Variants in NRXN1 observed in about 807,000 individuals in gnomAD.
NRXN1 encodes the protein neurexin 1, also known as neurexin-1.
In NRXN1, 39 loss-of-function variants were observed where a neutral mutation model predicts 150.9. That is an observed-to-expected ratio of 0.26 (90% CI 0.20 to 0.34). The LOEUF (loss-of-function observed/expected upper bound fraction) is 0.34, where lower values mean the gene tolerates loss of function less well. Among genes scored for constraint, NRXN1 ranks in the 10% least tolerant of loss-of-function variants. The pLI, the probability that NRXN1 is intolerant of heterozygous loss-of-function variation, is 1.00. For synonymous variants in NRXN1, 924 were observed against 757.0 expected, an observed-to-expected ratio of 1.22 and a Z score of -3.62; for missense variants, 1,815 against 1,949.9, an observed-to-expected ratio of 0.93 and a Z score of 1.30.
chr2:50,687,068 T>A (rs1691342387), intron 5 of NRXN1, among the ~76,000 whole-genome samples: 1 of 152,198 alleles, frequency 6.6e-6, no homozygotes, highest in Non-Finnish European at 1.5e-5. Flanking sequence ...ACATCTTTTA[T>A]TAGAATTGCT....
intron 5 of NRXN1, among the ~76,000 whole-genome samples, chr2:50,669,380 A>T (rs1354994063): frequency 6.6e-6 from 1 of 152,000 alleles, no homozygotes; most frequent in Non-Finnish European, 1.5e-5. Context: ...TGAAATACTC[A>T]TTGCAATAGA....
intron 5 of NRXN1, among the ~76,000 whole-genome samples, chr2:50,640,704 T>C (rs368681731): frequency 5.0e-4 from 76 of 152,324 alleles, no homozygotes; most frequent in African/African-American, 1.8e-3. Flanking sequence ...TATAGGATTG[T>C]ATCTTGCGAC....
chr2:50,963,862 C>T (rs1693601350), intron 2 of NRXN1: 13 of 317,638 alleles, frequency 4.1e-5, no homozygotes, highest in South Asian at 3.5e-4. Flanking sequence ...ATTTAGCATA[C>T]ACAATGTTCT....
intron 5 of NRXN1, among the ~76,000 whole-genome samples, chr2:50,855,631 T>C (rs566513895): frequency 6.6e-6 from 1 of 152,108 alleles, no homozygotes; most frequent in Non-Finnish European, 1.5e-5. Flanking sequence ...AATAGCAAGA[T>C]TTGGCCGAAA....
At chr2:49,927,563 G>A (rs1426336157) in intron 22 of NRXN1, among the ~76,000 whole-genome samples, 2 of 152,180 alleles carry the variant, frequency 1.3e-5, no homozygotes, top group East Asian at 3.8e-4. Flanking sequence ...TTTTTCCAAG[G>A]AGATTTCCCT....
At chr2:50,053,084 C>G (rs79767915) in intron 21 of NRXN1, among the ~76,000 whole-genome samples, 187 bp downstream of exon 21, 2 of 152,252 alleles carry the variant, frequency 1.3e-5, no homozygotes, top group East Asian at 3.9e-4. Context: ...AGTCCACAAA[C>G]CTCTAATGAA....
intron 21 of NRXN1, among the ~76,000 whole-genome samples, chr2:50,007,579 G>A (rs1242560048): frequency 1.3e-5 from 2 of 152,090 alleles, no homozygotes; most frequent in East Asian, 1.9e-4. Context: ...TTTTATGGCT[G>A]CATAGTATTC....
chr2:50,085,486 C>T (rs1698650804), intron 19 of NRXN1, among the ~76,000 whole-genome samples: 1 of 152,074 alleles, frequency 6.6e-6, no homozygotes, highest in South Asian at 2.1e-4. Context: ...GGCAAGTCTT[C>T]TTTTAACAAA....
intron 8 of NRXN1, among the ~76,000 whole-genome samples, chr2:50,564,665 C>G (rs1425630081): frequency 6.6e-6 from 1 of 152,008 alleles, no homozygotes; most frequent in African/African-American, 2.4e-5. Context: ...ATGGCCTTTT[C>G]TAGGTTTGCT....
At chr2:50,100,652 T>C (rs1334585355) in intron 18 of NRXN1, among the ~76,000 whole-genome samples, 1 of 152,046 alleles carries the variant, frequency 6.6e-6, no homozygotes, top group African/African-American at 2.4e-5. Flanking sequence ...TTCGTGATAC[T>C]TCCCCCTTCC....
chr2:50,804,689 CT>C (rs1384285750), intron 5 of NRXN1, among the ~76,000 whole-genome samples: 1 of 152,096 alleles, frequency 6.6e-6, no homozygotes, highest in African/African-American at 2.4e-5. Flanking sequence ...AAAATGTCCC[CT>C]TTTTTTCTTT....
At chr2:50,930,515 C>T (rs1404481969) in intron 2 of NRXN1, among the ~76,000 whole-genome samples, 3 of 152,048 alleles carry the variant, frequency 2.0e-5, no homozygotes, top group African/African-American at 2.4e-5. Context: ...TAATATAAAT[C>T]GAATGACTCA....
At chr2:50,085,222 T>A (rs1257911240) in intron 19 of NRXN1, among the ~76,000 whole-genome samples, 1 of 152,124 alleles carries the variant, frequency 6.6e-6, no homozygotes, top group Non-Finnish European at 1.5e-5. Flanking sequence ...AGAAAAAAAA[T>A]GCTTTGACCT....
At chr2:50,412,558 T>TC (rs1002373172) in intron 17 of NRXN1, among the ~76,000 whole-genome samples, 1 of 151,262 alleles carries the variant, frequency 6.6e-6, no homozygotes, top group South Asian at 2.1e-4. Flanking sequence ...TGCTTTTTTT[T>TC]CACTCTTTAT....
chr2:50,254,874 G>A (rs1318771845), intron 17 of NRXN1, among the ~76,000 whole-genome samples: 2 of 151,990 alleles, frequency 1.3e-5, no homozygotes, highest in South Asian at 2.1e-4. Context: ...TGGTGTTATC[G>A]TGGTTCACTG....
rs566486222 is a variant in NRXN1 at position 50,381,475 on chromosome 2, T to A, written c.3364+83967A>T. Among the ~76,000 whole-genome samples the A allele has an allele frequency of 6.9e-3, 1,039 of 149,582 alleles. 14 individuals are homozygous for A. The highest frequency in any genetic ancestry group is 0.025 in the African/African-American group (1,014 of 40,638). On this transcript the variant is annotated intron_variant, in intron 17 of 22. Coordinates refer to ENST00000401669, the MANE Select transcript of NRXN1 (RefSeq NM_001330078.2). ...TTAGTTTTGCGAATAAACTGACAAGTAGAAATTGGAATTTAGTGAGAAGTC... is the reference window on the plus strand; with the variant it reads ...TTAGTTTTGCGAATAAACTGACAAGAAGAAATTGGAATTTAGTGAGAAGTC...
chr2:50,966,547 T>A (rs952138037), intron 2 of NRXN1, among the ~76,000 whole-genome samples: 6 of 151,786 alleles, frequency 4.0e-5, no homozygotes, highest in African/African-American at 1.2e-4. Flanking sequence ...GATGCTTTAA[T>A]GGGCATTACA....
At chr2:50,619,663 T>A in intron 8 of NRXN1, 1 of 379,344 alleles carries the variant, frequency 2.6e-6, no homozygotes, top group East Asian at 3.8e-5. Context: ...AAAAAAGTCA[T>A]CACTGTATGC....
intron 17 of NRXN1, among the ~76,000 whole-genome samples, chr2:50,344,400 A>G (rs2077775138): frequency 6.6e-6 from 1 of 152,140 alleles, no homozygotes; most frequent in Non-Finnish European, 1.5e-5. Flanking sequence ...AAAAACAAAG[A>G]ATCAGAAGAG....
Sources: allele counts gnomAD v4.1 joint callset (sites outside exome capture counted in the v4.1 genomes callset), GRCh38; gene constraint gnomAD v4.1.1; transcripts MANE v1.5; gene names NCBI Gene and HGNC (gene_info 2026-07-23, HGNC 2026-07-21).